The following AGAP6 variants were observed in gnomAD, a reference collection of about 807,000 sequenced individuals.
AGAP6 encodes arf-GAP with GTPase, ANK repeat and PH domain-containing protein 6.
AGAP6 carries 29 observed loss-of-function variants against 63.9 expected under a neutral mutation model. The observed-to-expected ratio is 0.45, with a 90% confidence interval of 0.34 to 0.62. The LOEUF (loss-of-function observed/expected upper bound fraction) is 0.62. AGAP6 is among the 20% of genes least tolerant of loss of function. AGAP6 has a pLI of 0.01. For missense variants in AGAP6, 493 were observed against 884.9 expected (o/e 0.56, Z 5.62); for synonymous variants, 199 against 332.9 (o/e 0.60, Z 4.38).
At chr10:49,991,012 G>C (rs1554860762) in intron 2 of AGAP6, among the ~76,000 whole-genome samples, 1 of 152,046 alleles carries the variant, frequency 6.6e-6, no homozygotes, top group Non-Finnish European at 1.5e-5. Flanking sequence ...TGTTGGATGA[G>C]AGCCCAAAAA....
At chr10:50,006,776 C>T (rs555012034) in intron 6 of AGAP6, among the ~76,000 whole-genome samples, 2 of 151,424 alleles carry the variant, frequency 1.3e-5, no homozygotes, top group African/African-American at 4.9e-5. Context: ...AAAAAAAAAG[C>T]GCTTCTGGTT....
chr10:50,008,621 A>G (rs1157166375), intron 7 of AGAP6, 90 bp from the exon 8 acceptor site: 4 of 1,525,292 alleles, frequency 2.6e-6, no homozygotes, highest in Admixed American at 4.5e-5. Flanking sequence ...CAGAAAATGT[A>G]TCTTTTTAAA....
At chr10:49,994,055 A>G (rs544908158) in intron 3 of AGAP6, among the ~76,000 whole-genome samples, 7 of 152,272 alleles carry the variant, frequency 4.6e-5, no homozygotes, top group Non-Finnish European at 1.0e-4. Context: ...GCAGAATGAG[A>G]GAATACTAAT....
intron 6 of AGAP6, among the ~76,000 whole-genome samples, chr10:50,006,049 T>TGGTTTCTTA (rs1841904477): frequency 6.6e-6 from 1 of 151,650 alleles, no homozygotes; most frequent in South Asian, 2.1e-4. Flanking sequence ...TCACAAGTGG[T>TGGTTTCTTA]GGTTTCTTAA....
At chr10:49,995,607 T>C (rs561097785) in intron 4 of AGAP6, among the ~76,000 whole-genome samples, 120 of 152,306 alleles carry the variant, frequency 7.9e-4, no homozygotes, top group African/African-American at 2.5e-3. Context: ...TCCCTAGATA[T>C]GCTCGATGTC....
chr10:49,995,878 T>C (rs1158325837), intron 4 of AGAP6, among the ~76,000 whole-genome samples: 12 of 152,238 alleles, frequency 7.9e-5, no homozygotes, highest in Non-Finnish European at 2.9e-5. Flanking sequence ...TTGAATCTAT[T>C]GCCAGTGTGT....
chr10:49,992,919 A>C (rs563467884), intron 3 of AGAP6, among the ~76,000 whole-genome samples: 205 of 152,308 alleles, frequency 1.3e-3, no homozygotes, highest in African/African-American at 4.7e-3. Flanking sequence ...GCACCATAAC[A>C]CCTGGCTAAT....
chr10:49,991,410 A>G (rs1285568481), intron 2 of AGAP6, among the ~76,000 whole-genome samples: 1 of 139,494 alleles, frequency 7.2e-6, no homozygotes, highest in Non-Finnish European at 1.6e-5. Flanking sequence ...TTTTTTAATA[A>G]AGGAGGGTGT....
Position 50,010,086 on chromosome 10 carries a change from A to G in AGAP6, c.1961A>G (p.Asp654Gly). 1 of 1,610,034 alleles carries G rather than the reference A, an allele frequency of 6.2e-7. No homozygotes were observed. The highest frequency in any genetic ancestry group is 8.5e-7 in the Non-Finnish European group (1 of 1,179,088). ...IWYGVDVMARDAHGNTALTYA... is the reference protein window; with the variant it reads ...IWYGVDVMARGAHGNTALTYA... ...TACGGGGTGGACGTCATGGCCCGAGATGCCCACGGGAACACAGCGCTGACC... is the reference window on the plus strand; with the variant it reads ...TACGGGGTGGACGTCATGGCCCGAGGTGCCCACGGGAACACAGCGCTGACC... The change falls in exon 8 of 8, where the codon GAT becomes GGT. Residue 654 changes from aspartate to glycine, a missense_variant. This residue lies in a region of AGAP6 where 7 missense variants were observed against 64.5 expected (regional missense o/e 0.11). Coordinates refer to ENST00000412531, the MANE Select transcript of AGAP6 (RefSeq NM_001077665.3).
At chr10:49,989,857 C>G (rs527901905) in intron 2 of AGAP6, among the ~76,000 whole-genome samples, 123 of 152,220 alleles carry the variant, frequency 8.1e-4, no homozygotes, top group African/African-American at 2.8e-3. Context: ...AGGAGTTTAC[C>G]TATGAGGCTC....
chr10:50,009,934 C>T lies in AGAP6; in HGVS notation c.1809C>T (p.Ala603=). 1.2e-6 allele frequency: 2 copies of T among 1,612,130 alleles called. No homozygotes were observed. The highest frequency in any genetic ancestry group is 1.1e-5 in the South Asian group (1 of 90,998). Residue 603 remains alanine, a synonymous_variant, in exon 8 of 8, where the codon GCC becomes GCT. Coordinates refer to ENST00000412531, the MANE Select transcript of AGAP6 (RefSeq NM_001077665.3). ...CCGCTGATGAGGACCTGCAGACAGCCATCCTGCTGCTGGCACATGGCTCCT... is the reference window on the plus strand; with the variant it reads ...CCGCTGATGAGGACCTGCAGACAGCTATCCTGCTGCTGGCACATGGCTCCT... ...RATADEDLQT[A]ILLLAHGSCE...
At chr10:49,995,535 T>C (rs1384131552) in intron 4 of AGAP6, among the ~76,000 whole-genome samples, 2 of 152,148 alleles carry the variant, frequency 1.3e-5, no homozygotes, top group African/African-American at 2.4e-5. Context: ...TTTCTTTTTA[T>C]GTGTGTGTGT....
At chr10:49,997,018 A>C (rs1206706479) in intron 4 of AGAP6, among the ~76,000 whole-genome samples, 1 of 146,170 alleles carries the variant, frequency 6.8e-6, no homozygotes, top group African/African-American at 2.6e-5. Context: ...GACGAAATAA[A>C]TTTGTGGTCA....
intron 4 of AGAP6, among the ~76,000 whole-genome samples, chr10:49,996,347 C>G (rs1841485939): frequency 6.6e-6 from 1 of 151,914 alleles, no homozygotes; most frequent in Admixed American, 6.6e-5. Context: ...GTGGTGGTCC[C>G]TGGCCTGCTT....
At position 49,989,347 on chromosome 10, in the gene AGAP6, C is replaced by A. The variant is rs1841174602; in HGVS notation, c.263C>A (p.Thr88Lys). The change falls in exon 2 of 8, where the codon ACA becomes AAA. Residue 88 changes from threonine (T) to lysine (K), a missense_variant. Transcript: ENST00000412531. ...FNLSANPESS[T>K]IFQRNSQTEA... ...CTTTCTGCCAATCCAGAGTCAAGCA[C>A]AATATTCCAGAGGAACTCTCAAACA... The A allele has an allele frequency of 1.6e-5, 25 of 1,597,472 alleles. No homozygotes were observed. Among genetic ancestry groups the A allele is most frequent in the Non-Finnish European group, 2.0e-5 (24 of 1,179,758 alleles).
chr10:49,993,777 G>T (rs1235615093), intron 3 of AGAP6, among the ~76,000 whole-genome samples: 1 of 144,402 alleles, frequency 6.9e-6, no homozygotes, highest in African/African-American at 2.6e-5. Flanking sequence ...CTGAGATCCC[G>T]CCACTGCACT....
At chr10:50,004,312 C>G (rs1312053137) in intron 5 of AGAP6, among the ~76,000 whole-genome samples, 19 of 150,614 alleles carry the variant, frequency 1.3e-4, no homozygotes, top group Non-Finnish European at 2.4e-4. Context: ...GTCAAGATGG[C>G]ACCACTGCAG....
At chr10:49,992,818 A>G (rs536923716) in intron 3 of AGAP6, among the ~76,000 whole-genome samples, 1 of 151,980 alleles carries the variant, frequency 6.6e-6, no homozygotes, top group Non-Finnish European at 1.5e-5. Flanking sequence ...CTGGAGTGCA[A>G]TGGCACGATC....
chr10:49,995,804 G>A (rs567118097), intron 4 of AGAP6, among the ~76,000 whole-genome samples: 1 of 152,300 alleles, frequency 6.6e-6, no homozygotes, highest in South Asian at 2.1e-4. Context: ...ACACCTCTAG[G>A]TTGAATCTAA....
Sources: gnomAD v4.1 joint callset for allele counts (sites outside exome capture counted in the v4.1 genomes callset) on GRCh38, gnomAD v4.1.1 for gene constraint, gnomAD v4.1.1 regional missense constraint, MANE v1.5 for transcripts, NCBI Gene and HGNC (gene_info 2026-07-23, HGNC 2026-07-21) for gene names.